The following SLC28A2 variants were observed in gnomAD, a reference collection of about 807,000 sequenced individuals.
SLC28A2 encodes sodium/nucleoside cotransporter 2.
SLC28A2 carries 69 observed loss-of-function variants against 72.9 expected under a neutral mutation model. That is an observed-to-expected ratio of 0.95 (90% CI 0.78 to 1.16). SLC28A2 has a LOEUF of 1.16. Ranked by LOEUF, SLC28A2 falls within the 50% of genes most tolerant of loss-of-function variation. The pLI, the probability that SLC28A2 is intolerant of heterozygous loss-of-function variation, is 0.00. For missense variants in SLC28A2, 745 were observed against 791.1 expected (o/e 0.94, Z 0.70); for synonymous variants, 296 against 294.1 (o/e 1.01, Z -0.07).
At chr15:45,252,316 TTAC>T (rs1184946258) in intron 1 of SLC28A2, 38 bp downstream of exon 1, 3 of 455,608 alleles carry the variant, frequency 6.6e-6, no homozygotes. Context: ...GGTGCCTAAT[TTAC>T]AAATTTTTAA....
At chr15:45,269,303 C>G in intron 13 of SLC28A2, 35 bp from the exon 14 acceptor site, 1 of 1,575,468 alleles carries the variant, frequency 6.3e-7, no homozygotes, top group Non-Finnish European at 8.7e-7. Context: ...TTATATTAGT[C>G]CTTCCTTTTC....
intron 1 of SLC28A2, 75 bp downstream of exon 1, chr15:45,252,353 C>CAGGT: frequency 2.2e-6 from 1 of 453,794 alleles, no homozygotes; most frequent in South Asian, 1.6e-5. Flanking sequence ...AAACTAAATG[C>CAGGT]AGGTAGTTTT....
At chr15:45,271,679 A>C (rs941824994) in intron 15 of SLC28A2, 1 of 152,078 alleles carries the variant, frequency 6.6e-6, no homozygotes, top group East Asian at 1.9e-4. Flanking sequence ...TTTAAAGGCA[A>C]TTATATTCTG....
Position 45,262,009 on chromosome 15 carries a change from T to C in SLC28A2, c.171-6T>C, listed in dbSNP as rs1474088868. Reference sequence around the variant, plus strand: ...TCTTGTATCTTAACTTTTGGGTTCTTATTAGGAGGAGTCGGTGGCCTTTCA... The same window carrying C: ...TCTTGTATCTTAACTTTTGGGTTCTCATTAGGAGGAGTCGGTGGCCTTTCA... On this transcript the variant is annotated splice_region_variant and splice_polypyrimidine_tract_variant and intron_variant, in intron 3 of 17. Coordinates refer to ENST00000347644, the MANE Select transcript of SLC28A2 (RefSeq NM_004212.4). 3 of 1,600,758 alleles carry C rather than the reference T, an allele frequency of 1.9e-6. No homozygotes were observed. Among genetic ancestry groups the C allele is most frequent in the Non-Finnish European group, 2.6e-6 (3 of 1,167,940 alleles).
chr15:45,263,133 G>T lies in SLC28A2; in HGVS notation c.335G>T (p.Cys112Phe). 1 of 1,613,576 alleles carries T rather than the reference G, an allele frequency of 6.2e-7. No homozygotes were observed. The highest frequency in any genetic ancestry group is 8.5e-7 in the Non-Finnish European group (1 of 1,179,536). The change falls in exon 5 of 18, where the codon TGC becomes TTC. Residue 112 changes from cysteine to phenylalanine, a missense_variant. By Grantham distance (205) the Cys-to-Phe change is radical. Coordinates refer to ENST00000347644, the MANE Select transcript of SLC28A2 (RefSeq NM_004212.4). ...GCACTGGCCTTGTTTGTCATCACCT[G>T]CTTGGTGATCTTTGTCCTGGTTCAC... Reference protein sequence around the residue: ...QRALALFVITCLVIFVLVHSF... With the variant: ...QRALALFVITFLVIFVLVHSF...
At position 45,267,755 on chromosome 15, in the gene SLC28A2, G is replaced by C. The variant is rs751427818; in HGVS notation, c.1158G>C (p.Glu386Asp). The change falls in exon 12 of 18, where the codon GAG becomes GAC. Residue 386 changes from glutamate to aspartate, a missense_variant. Physicochemically the swap from Glu to Asp is conservative, Grantham distance 45. Coordinates refer to ENST00000347644, the MANE Select transcript of SLC28A2 (RefSeq NM_004212.4). The stretch of plus-strand genomic sequence containing the variant: ...AGCTAGCGTATCCGGAAGTGGAGGA[G>C]TCCAAGTTCAAGAGTGAGGAGGGGG... ...SSKLAYPEVE[E>D]SKFKSEEGVK... is the part of the protein sequence containing the mutation. The C allele has an allele frequency of 3.7e-6, 6 of 1,613,972 alleles. No individual in the cohort carries two copies. Among genetic ancestry groups the C allele is most frequent in the Non-Finnish European group, 5.1e-6 (6 of 1,180,020 alleles).
chr15:45,257,363 T>C (rs1223723016), intron 3 of SLC28A2, among the ~76,000 whole-genome samples: 5 of 152,240 alleles, frequency 3.3e-5, no homozygotes, highest in Admixed American at 2.0e-4. Context: ...TAGACTTACA[T>C]GTATATTATA....
intron 3 of SLC28A2, among the ~76,000 whole-genome samples, chr15:45,261,257 G>A (rs1900152468): frequency 6.6e-6 from 1 of 152,224 alleles, no homozygotes; most frequent in Non-Finnish European, 1.5e-5. Context: ...GGCATAGAAT[G>A]ATGGTTAAGA....
At chr15:45,270,665 T>C (rs1319631060) in intron 15 of SLC28A2, among the ~76,000 whole-genome samples, 1 of 152,136 alleles carries the variant, frequency 6.6e-6, no homozygotes, top group African/African-American at 2.4e-5. Flanking sequence ...TCTCACTCTG[T>C]TGCGCAGGCT....
At chr15:45,272,243 C>A in intron 15 of SLC28A2, 52 bp from the exon 16 acceptor site, 1 of 1,478,676 alleles carries the variant, frequency 6.8e-7, no homozygotes, top group Non-Finnish European at 9.4e-7. Context: ...TGGGATATAC[C>A]TGATTGCCTT....
At chr15:45,270,048 A>G in intron 14 of SLC28A2, 147 bp from the exon 15 acceptor site, 1 of 631,570 alleles carries the variant, frequency 1.6e-6, no homozygotes, top group Non-Finnish European at 2.8e-6. Flanking sequence ...AACTCAGGGA[A>G]CAGTTGTTTT....
rs777050600 is a variant in SLC28A2 at position 45,264,680 on chromosome 15, G to A, written c.614G>A (p.Gly205Asp). ...GTGTCCTGGAGGACAGTGTTTTCGG[G>A]CCTAGGTCTTCAATTTGTCTTTGGG... ...SAVSWRTVFS[G>D]LGLQFVFGIL... Residue 205 changes from glycine (G) to aspartate (D), a missense_variant, in exon 7 of 18, where the codon GGC becomes GAC. By Grantham distance (94) the Gly-to-Asp change is moderately conservative. Transcript: ENST00000347644. 3.6e-5 allele frequency: 58 copies of A among 1,612,850 alleles called. No homozygotes were observed. The highest frequency in any genetic ancestry group is 3.6e-4 in the East Asian group (16 of 44,896).
At chr15:45,254,821 T>C (rs1195320930) in intron 3 of SLC28A2, among the ~76,000 whole-genome samples, 4 of 152,240 alleles carry the variant, frequency 2.6e-5, no homozygotes, top group Non-Finnish European at 4.4e-5. Flanking sequence ...GTTTTATATA[T>C]ACTGAATTGA....
chr15:45,267,603 C>T, intron 11 of SLC28A2, 23 bp downstream of exon 11: 1 of 1,614,100 alleles, frequency 6.2e-7, no homozygotes, highest in Non-Finnish European at 8.5e-7. Flanking sequence ...TGCTTGATCA[C>T]TCCTGGGTGA....
In SLC28A2 at chr15:45,276,403, C is replaced by T. The variant is rs1900755881; in HGVS notation, c.*890C>T. The T allele has an allele frequency of 6.6e-6, 1 of 151,940 alleles. No individual in the cohort carries two copies. The highest frequency in any genetic ancestry group is 1.5e-5 in the Non-Finnish European group (1 of 67,998). The allele number at this position is 151,940 out of a possible 1,614,324, so 9.4% of individuals were successfully genotyped here. ...CTAAATGACGAGTTAATGGGTGCAGCACACTAGCATGGCACATGTATACAT... is the reference window on the plus strand; with the variant it reads ...CTAAATGACGAGTTAATGGGTGCAGTACACTAGCATGGCACATGTATACAT... On this transcript the variant is annotated 3_prime_UTR_variant, in exon 18 of 18. Coordinates refer to ENST00000347644, the MANE Select transcript of SLC28A2 (RefSeq NM_004212.4).
At chr15:45,256,511 G>A (rs559115292) in intron 3 of SLC28A2, among the ~76,000 whole-genome samples, 257 of 151,868 alleles carry the variant, frequency 1.7e-3, no homozygotes, top group African/African-American at 6.1e-3. Context: ...GGGTTCAAGC[G>A]ATTCTCCTGT....
At position 45,267,665 on chromosome 15, in the gene SLC28A2, G is replaced by C. The variant is rs1434869475; in HGVS notation, c.1069-1G>C. 1.2e-6 allele frequency: 2 copies of C among 1,614,136 alleles called. No homozygotes were observed. The highest frequency in any genetic ancestry group is 2.2e-5 in the South Asian group (2 of 91,080). On this transcript the variant is annotated splice_acceptor_variant, in intron 11 of 17. Coordinates refer to ENST00000347644, the MANE Select transcript of SLC28A2 (RefSeq NM_004212.4). LOFTEE classifies it high-confidence loss of function. ...TGATGCCTAAGTCTGGCGCCTCACA[G>C]GTTGATGCATCATCCCTGATTTCTG...
At chr15:45,264,332 A>G (rs769736445) in intron 6 of SLC28A2, among the ~76,000 whole-genome samples, 8 of 152,274 alleles carry the variant, frequency 5.3e-5, no homozygotes, top group African/African-American at 1.9e-4. Flanking sequence ...AATAGAATAC[A>G]GTAGAAAATC....
chr15:45,275,055 G>A (rs1047392214), intron 17 of SLC28A2, among the ~76,000 whole-genome samples: 5 of 152,170 alleles, frequency 3.3e-5, no homozygotes, highest in African/African-American at 1.2e-4. Context: ...CTGTTTTCAA[G>A]AGGAAGGTGG....
Sources: allele counts gnomAD v4.1 joint callset (sites outside exome capture counted in the v4.1 genomes callset), GRCh38; gene constraint gnomAD v4.1.1; transcripts MANE v1.5; gene names NCBI Gene and HGNC (gene_info 2026-07-23, HGNC 2026-07-21).